Variants in TARBP1 observed in about 807,000 individuals in gnomAD.
TARBP1 encodes tRNA guanosine 2 -O-methyltransferase TARBP1, also known as tRNA (guanosine(18)-2'-O)-methyltransferase TARBP1.
In TARBP1, 144 loss-of-function variants were observed where a neutral mutation model predicts 178.6. That is an observed-to-expected ratio of 0.81 (90% CI 0.70 to 0.93). TARBP1 has a LOEUF of 0.93. TARBP1 is among the 40% of genes least tolerant of loss of function. TARBP1 has a pLI of 0.00. For synonymous variants in TARBP1, 787 were observed against 781.0 expected (o/e 1.01, Z -0.13); for missense variants, 2,067 against 2,011.7 (o/e 1.03, Z -0.53).
chr1:234,410,589 G>T, intron 22 of TARBP1, 58 bp from the exon 23 acceptor site: 1 of 1,133,206 alleles, frequency 8.8e-7, no homozygotes, highest in Non-Finnish European at 1.3e-6. Flanking sequence ...AAACATGCAC[G>T]TGAAAGCGCC....
chr1:234,421,223 G>A lies in TARBP1; in HGVS notation c.3445-411C>T, dbSNP rs904470575. Among the ~76,000 whole-genome samples, 8 of 152,122 alleles carry A rather than the reference G, an allele frequency of 5.3e-5. No homozygotes were observed. The South Asian group carries it at 1.7e-3, about 32-fold the overall frequency. ...CCTGCCTCAGCCTCCCGAGTAGCTG[G>A]GACTACAGGCGCCCGCCACCACACC... On this transcript the variant is annotated intron_variant, in intron 20 of 29. Coordinates refer to ENST00000040877, the MANE Select transcript of TARBP1 (RefSeq NM_005646.4).
chr1:234,478,338 C>G lies in TARBP1; in HGVS notation c.766G>C (p.Gly256Arg). The G allele has an allele frequency of 1.6e-6, 2 of 1,285,514 alleles. No homozygotes were observed. The highest frequency in any genetic ancestry group is 2.0e-6 in the Non-Finnish European group (2 of 1,022,500). 79.6% of individuals were successfully genotyped at this position (1,285,514 alleles called of 1,614,324 possible). A position where few individuals can be genotyped will look rare whatever the true frequency, so the allele number is the denominator to read the frequency against. ...GDRARGAREA[G>R]PDARRCWRFW... ...CGCCAGCAGCGCCGGGCGTCCGGGC[C>G]CGCCTCGCGCGCGCCGCGGGCGCGG... Residue 256 changes from glycine to arginine, a missense_variant, in exon 1 of 30, where the codon GGC (glycine) becomes CGC (arginine). Physicochemically the swap from Gly to Arg is moderately radical, Grantham distance 125. Coordinates refer to ENST00000040877, the MANE Select transcript of TARBP1 (RefSeq NM_005646.4).
intron 28 of TARBP1, 159 bp from the exon 29 acceptor site, chr1:234,392,711 T>TTA: frequency 1.8e-6 from 1 of 544,756 alleles, no homozygotes; most frequent in Non-Finnish European, 2.9e-6. Context: ...TGACATCAAT[T>TTA]TCTTTTTTTT....
intron 2 of TARBP1, among the ~76,000 whole-genome samples, 160 bp downstream of exon 2, chr1:234,472,554 A>C (rs973756398): frequency 2.0e-5 from 3 of 152,220 alleles, no homozygotes; most frequent in Non-Finnish European, 4.4e-5. Context: ...GAAACAACTT[A>C]CACTCTAAGT....
At position 234,392,523 on chromosome 1, in the gene TARBP1, C is replaced by T; in HGVS notation, c.4590G>A (p.Leu1530=). 6.2e-7 allele frequency: 1 copy of T among 1,614,016 alleles called. No homozygotes were observed. The highest frequency in any genetic ancestry group is 8.5e-7 in the Non-Finnish European group (1 of 1,179,932). ...EVKPPQLIDY[L]QQKKTEGYTI... ...TATAACCTTCTGTTTTCTTCTGCTG[C>T]AGATAATCAATTAGCTGAGGTGGTT... Residue 1530 remains leucine, a synonymous_variant, in exon 29 of 30, where the codon CTG becomes CTA. Coordinates refer to ENST00000040877, the MANE Select transcript of TARBP1 (RefSeq NM_005646.4).
At chr1:234,393,886 C>A in intron 26 of TARBP1, 49 bp from the exon 27 acceptor site, 2 of 1,397,388 alleles carry the variant, frequency 1.4e-6, no homozygotes, top group South Asian at 2.6e-5. Context: ...ATCTGAATCT[C>A]TATATATTTA....
chr1:234,443,951 C>A (rs946571873), intron 12 of TARBP1, among the ~76,000 whole-genome samples: 1 of 152,020 alleles, frequency 6.6e-6, no homozygotes, highest in Non-Finnish European at 1.5e-5. Flanking sequence ...TTGCCAGGGC[C>A]TGGGGAAAGA....
intron 7 of TARBP1, 127 bp downstream of exon 7, chr1:234,460,134 G>T: frequency 9.4e-7 from 1 of 1,062,588 alleles, no homozygotes; most frequent in Non-Finnish European, 1.3e-6. Flanking sequence ...AAAATTAAGA[G>T]CCCAAACATC....
At position 234,446,796 on chromosome 1, in the gene TARBP1, T is replaced by C. The variant is rs1380787950; in HGVS notation, c.2134+7A>G. On this transcript the variant is annotated splice_region_variant and intron_variant, in intron 12 of 29. Transcript: ENST00000040877. ...GCAAGATACCAAGAGAAACAACTTA[T>C]CCTCACCATCTTGGGCACTGGAACC... 2.5e-6 allele frequency: 4 copies of C among 1,613,048 alleles called. No homozygotes were observed. Among genetic ancestry groups the C allele is most frequent in the Admixed American group, 1.7e-5 (1 of 59,864 alleles).
At chr1:234,399,332 T>C (rs1215828432) in intron 25 of TARBP1, among the ~76,000 whole-genome samples, 1 of 152,232 alleles carries the variant, frequency 6.6e-6, no homozygotes, top group Admixed American at 6.5e-5. Context: ...ATGGTTTTCT[T>C]CACACTAGCT....
At position 234,478,841 on chromosome 1, in the gene TARBP1, A is replaced by G; in HGVS notation, c.263T>C (p.Leu88Pro). ...GRPAGGPDPSLQPRHRRRVLR... is the reference protein window; with the variant it reads ...GRPAGGPDPSPQPRHRRRVLR... Reference sequence around the variant, plus strand: ...CACGCGCCGGCGGTGGCGAGGCTGCAGACTGGGGTCCGGGCCGCCCGCGGG... The same window carrying G: ...CACGCGCCGGCGGTGGCGAGGCTGCGGACTGGGGTCCGGGCCGCCCGCGGG... Residue 88 changes from leucine (L) to proline (P), a missense_variant, in exon 1 of 30, where the codon CTG (leucine) becomes CCG (proline). Leu to Pro is a moderately conservative substitution (Grantham distance 98). Transcript: ENST00000040877. The G allele has an allele frequency of 8.2e-7, 1 of 1,221,040 alleles. No homozygotes were observed. Among genetic ancestry groups the G allele is most frequent in the Non-Finnish European group, 1.0e-6 (1 of 982,832 alleles). The allele number at this position is 1,221,040 out of a possible 1,614,324, so 75.6% of individuals were successfully genotyped here. A position where few individuals can be genotyped will look rare whatever the true frequency, so the allele number is the denominator to read the frequency against.
chr1:234,418,258 C>A (rs767208859), intron 21 of TARBP1, 25 bp from the exon 22 acceptor site: 10 of 1,532,058 alleles, frequency 6.5e-6, no homozygotes, highest in Non-Finnish European at 8.7e-6. Flanking sequence ...TCACAATTAA[C>A]CAGTTACAGT....
chr1:234,437,278 ATTTAGCTC>A lies in TARBP1; in HGVS notation c.2221_2228del (p.Glu741Ter), dbSNP rs777865543. 1 of 1,496,288 alleles carries A rather than the reference ATTTAGCTC, an allele frequency of 6.7e-7. No individual in the cohort carries two copies. Among genetic ancestry groups the A allele is most frequent in the Non-Finnish European group, 9.2e-7 (1 of 1,090,216 alleles). 92.7% of individuals were successfully genotyped at this position (1,496,288 alleles called of 1,614,324 possible). On this transcript the variant is annotated frameshift_variant, in exon 13 of 30. Coordinates refer to ENST00000040877, the MANE Select transcript of TARBP1 (RefSeq NM_005646.4). LOFTEE classifies it high-confidence loss of function. ...AGTTATTCCACTGAATACTTACACT[ATTTAGCTC>A]ATTCATAGTAAGTCTTCTGAGAATA...
chr1:234,479,146 G>A lies in TARBP1; in HGVS notation c.-43C>T. ...CACCGGCCCGGGCTCCCAAAGGAAGGCGCCGGCGTGTGCGATGCGTGCGCA... is the reference window on the plus strand; with the variant it reads ...CACCGGCCCGGGCTCCCAAAGGAAGACGCCGGCGTGTGCGATGCGTGCGCA... On this transcript the variant is annotated 5_prime_UTR_variant, in exon 1 of 30. Coordinates refer to ENST00000040877, the MANE Select transcript of TARBP1 (RefSeq NM_005646.4). 4.8e-6 allele frequency: 7 copies of A among 1,472,102 alleles called. No individual in the cohort carries two copies. The highest frequency in any genetic ancestry group is 6.2e-6 in the Non-Finnish European group (7 of 1,125,010). 91.2% of individuals were successfully genotyped at this position (1,472,102 alleles called of 1,614,324 possible).
chr1:234,406,347 C>T (rs1661240497), intron 23 of TARBP1: 11 of 479,894 alleles, frequency 2.3e-5, no homozygotes, highest in South Asian at 1.2e-4. Flanking sequence ...CATTTCCCCC[C>T]GCCCCCCATA....
chr1:234,432,494 G>T (rs977592517), intron 14 of TARBP1, among the ~76,000 whole-genome samples: 4 of 152,002 alleles, frequency 2.6e-5, no homozygotes, highest in African/African-American at 9.7e-5. Flanking sequence ...CCAAAAACAA[G>T]AAAGATGGAA....
intron 2 of TARBP1, among the ~76,000 whole-genome samples, 175 bp downstream of exon 2, chr1:234,472,539 T>C (rs1571885707): frequency 6.6e-6 from 1 of 152,122 alleles, no homozygotes; most frequent in Admixed American, 6.5e-5. Flanking sequence ...ATTCTTTAAC[T>C]TCCTGAAACA....
At chr1:234,396,695 T>C (rs1161443761) in intron 26 of TARBP1, among the ~76,000 whole-genome samples, 1 of 151,946 alleles carries the variant, frequency 6.6e-6, no homozygotes, top group Admixed American at 6.6e-5. Flanking sequence ...AAAAATTGCA[T>C]TTTCCCAGAA....
At position 234,393,845 on chromosome 1, in the gene TARBP1, G is replaced by A. The variant is rs1311903657; in HGVS notation, c.4244-8C>T. On this transcript the variant is annotated splice_polypyrimidine_tract_variant and splice_region_variant and intron_variant, in intron 26 of 29. Transcript: ENST00000040877. Reference sequence around the variant, plus strand: ...CTTCGACCAAATTAGTACCTGGGAAGGAAAAAGAAAACAATCCCACATATA... The same window carrying A: ...CTTCGACCAAATTAGTACCTGGGAAAGAAAAAGAAAACAATCCCACATATA... 2 of 1,584,000 alleles carry A rather than the reference G, an allele frequency of 1.3e-6. No homozygotes were observed. The highest frequency in any genetic ancestry group is 2.3e-5 in the East Asian group (1 of 44,428).
Sources: gnomAD v4.1 joint callset for allele counts (sites outside exome capture counted in the v4.1 genomes callset) on GRCh38, gnomAD v4.1.1 for gene constraint, MANE v1.5 for transcripts, NCBI Gene and HGNC (gene_info 2026-07-23, HGNC 2026-07-21) for gene names.